AGBL4: variants seen among roughly 807,000 people sequenced by gnomAD.
AGBL4 encodes the protein cytosolic carboxypeptidase 6.
Under a neutral mutation model 66.4 loss-of-function variants are expected in AGBL4, and 58 were observed. That is an observed-to-expected ratio of 0.87 (90% CI 0.71 to 1.09). The LOEUF is 1.09. Ranked by LOEUF, AGBL4 falls within the 50% of genes least tolerant of loss-of-function variation. The pLI is 0.00. For synonymous variants in AGBL4, 234 were observed against 222.9 expected (o/e 1.05, Z -0.44); for missense variants, 579 against 631.0 (o/e 0.92, Z 0.88).
At chr1:49,048,135 C>T (rs17105425) in intron 4 of AGBL4, among the ~76,000 whole-genome samples, 15,529 of 152,120 alleles carry the variant, frequency 0.1, 1,306 homozygotes, top group African/African-American at 0.22. Flanking sequence ...TCTGACTTGA[C>T]GGTCTGAGTT....
At position 48,916,154 on chromosome 1, in the gene AGBL4, A is replaced by G. The variant is rs146088605; in HGVS notation, c.595-48924T>C. On this transcript the variant is annotated intron_variant, in intron 5 of 13. Transcript: ENST00000371839. ...GGGCTTAGTGAATGTTTGATGAATG[A>G]TTGACTGAAGGCAGCTTGACTGAAG... Among the ~76,000 whole-genome samples, 1,433 of 152,318 alleles carry G rather than the reference A, an allele frequency of 9.4e-3. 24 individuals carry two copies. The highest frequency in any genetic ancestry group is 0.033 in the African/African-American group (1,357 of 41,568).
At chr1:49,350,194 TTTTTG>T (rs1218652476) in intron 3 of AGBL4, among the ~76,000 whole-genome samples, 17 of 151,894 alleles carry the variant, frequency 1.1e-4, no homozygotes, top group African/African-American at 3.6e-4. Context: ...TTTGTTTTTT[TTTTTG>T]TTTTGTTTTG....
At chr1:49,401,687 C>T (rs949125918) in intron 3 of AGBL4, among the ~76,000 whole-genome samples, 4 of 152,092 alleles carry the variant, frequency 2.6e-5, no homozygotes, top group African/African-American at 9.7e-5. Flanking sequence ...CAGGGTAATA[C>T]TGGCCTCATT....
chr1:49,813,772 A>G (rs978077607), intron 2 of AGBL4, among the ~76,000 whole-genome samples: 2 of 152,140 alleles, frequency 1.3e-5, no homozygotes, highest in Non-Finnish European at 1.5e-5. Context: ...GAACAAAAAC[A>G]AAGTTGGATA....
At chr1:49,065,289 CAT>C (rs1377526346) in intron 4 of AGBL4, among the ~76,000 whole-genome samples, 1 of 152,158 alleles carries the variant, frequency 6.6e-6, no homozygotes, top group Non-Finnish European at 1.5e-5. Flanking sequence ...TCACAGGAGA[CAT>C]AGGTGGGGTG....
At chr1:49,510,206 A>C (rs1021944522) in intron 3 of AGBL4, among the ~76,000 whole-genome samples, 11 of 152,022 alleles carry the variant, frequency 7.2e-5, no homozygotes, top group Non-Finnish European at 1.3e-4. Flanking sequence ...CCAACAGTGT[A>C]AAAGTGTTCC....
intron 4 of AGBL4, among the ~76,000 whole-genome samples, chr1:49,054,755 G>C (rs1644280461): frequency 6.6e-6 from 1 of 151,952 alleles, no homozygotes; most frequent in Non-Finnish European, 1.5e-5. Flanking sequence ...TGTCTTTACT[G>C]TCTGACATCA....
intron 3 of AGBL4, among the ~76,000 whole-genome samples, chr1:49,447,566 G>A (rs1370302696): frequency 2.6e-5 from 4 of 152,160 alleles, no homozygotes. Flanking sequence ...GTGGGGCAGA[G>A]TGAGTTACCC....
At chr1:49,174,482 T>C (rs1305433521) in intron 4 of AGBL4, among the ~76,000 whole-genome samples, 1 of 152,170 alleles carries the variant, frequency 6.6e-6, no homozygotes. Context: ...CATAATTTCA[T>C]GTTTAATATG....
intron 4 of AGBL4, among the ~76,000 whole-genome samples, chr1:49,061,426 A>G (rs1382053138): frequency 6.6e-6 from 1 of 152,098 alleles, no homozygotes; most frequent in Non-Finnish European, 1.5e-5. Flanking sequence ...GAAAAGTTAT[A>G]ATAATTTGAT....
At chr1:49,332,827 T>C (rs1179416752) in intron 3 of AGBL4, among the ~76,000 whole-genome samples, 2 of 152,178 alleles carry the variant, frequency 1.3e-5, no homozygotes, top group Non-Finnish European at 2.9e-5. Context: ...TCTAGATCCT[T>C]GAGGAATCGC....
intron 4 of AGBL4, among the ~76,000 whole-genome samples, chr1:49,151,516 C>A (rs978317984): frequency 1.3e-5 from 2 of 150,168 alleles, no homozygotes; most frequent in African/African-American, 4.9e-5. Flanking sequence ...AAGAAAAAAA[C>A]TGTCATTGCG....
At chr1:49,717,859 A>C (rs1648279956) in intron 2 of AGBL4, among the ~76,000 whole-genome samples, 1 of 152,080 alleles carries the variant, frequency 6.6e-6, no homozygotes, top group Non-Finnish European at 1.5e-5. Flanking sequence ...CATTGAGGTA[A>C]TATATTAAAG....
Position 48,853,482 on chromosome 1 carries a change from T to C in AGBL4, c.634+13709A>G, listed in dbSNP as rs1025746671. On this transcript the variant is annotated intron_variant, in intron 6 of 13. Transcript: ENST00000371839. ...CTGTTTATTTAAAATCTATGGGTCA[T>C]GTACTTTACTACATTAGCCACTTTA... 3.9e-5 allele frequency among the ~76,000 whole-genome samples: 6 copies of C among 152,218 alleles called. No individual in the cohort carries two copies. The East Asian group carries it at 1.2e-3, about 29-fold the overall frequency.
intron 3 of AGBL4, among the ~76,000 whole-genome samples, chr1:49,495,087 A>G (rs1030048773): frequency 6.6e-6 from 1 of 152,084 alleles, no homozygotes; most frequent in Non-Finnish European, 1.5e-5. Context: ...TCAGAAGCCA[A>G]TTACATCTGC....
intron 1 of AGBL4, among the ~76,000 whole-genome samples, chr1:49,862,509 G>T (rs1646598905): frequency 6.6e-6 from 1 of 152,050 alleles, no homozygotes; most frequent in Non-Finnish European, 1.5e-5. Context: ...CCCAAACCTG[G>T]AGAAAGATAT....
At chr1:49,603,777 C>T (rs140755129) in intron 3 of AGBL4, among the ~76,000 whole-genome samples, 15 of 152,148 alleles carry the variant, frequency 9.9e-5, no homozygotes, top group Non-Finnish European at 1.8e-4. Context: ...TTTGCATACC[C>T]ATAGCTTAGG....
intron 6 of AGBL4, among the ~76,000 whole-genome samples, chr1:48,782,419 A>C (rs988330311): frequency 6.6e-6 from 1 of 152,174 alleles, no homozygotes; most frequent in African/African-American, 2.4e-5. Flanking sequence ...ATATTACTAC[A>C]TGGAATTCTC....
chr1:48,921,887 A>G (rs1033843718), intron 5 of AGBL4, among the ~76,000 whole-genome samples: 1 of 152,168 alleles, frequency 6.6e-6, no homozygotes, highest in African/African-American at 2.4e-5. Flanking sequence ...GTTTCCTTAT[A>G]AGTCAAGTAG....
Sources: gnomAD v4.1 joint callset for allele counts (sites outside exome capture counted in the v4.1 genomes callset) on GRCh38, gnomAD v4.1.1 for gene constraint, MANE v1.5 for transcripts, NCBI Gene and HGNC (gene_info 2026-07-23, HGNC 2026-07-21) for gene names.